GPATCH2L: variants seen among roughly 807,000 people sequenced by gnomAD.
The protein encoded by GPATCH2L is G-patch domain containing 2 like, also known as G patch domain-containing protein 2-like.
In GPATCH2L, 31 loss-of-function variants were observed where a neutral mutation model predicts 57.4. The ratio of observed to expected loss-of-function variants is 0.54; its 90% CI spans 0.41 to 0.73. GPATCH2L has a LOEUF of 0.73. Ranked by LOEUF, GPATCH2L falls within the 30% of genes least tolerant of loss-of-function variation. The probability of loss-of-function intolerance (pLI) is 0.00; values close to 1 mark genes in which losing one functional copy is unlikely to be tolerated. For synonymous variants in GPATCH2L, 199 were observed against 210.7 expected, an observed-to-expected ratio of 0.94 and a Z score of 0.48; for missense variants, 481 against 599.9, an observed-to-expected ratio of 0.80 and a Z score of 2.07.
At position 76,155,042 on chromosome 14, in the gene GPATCH2L, T is replaced by A. The variant is rs374580427; in HGVS notation, c.662+17T>A. The A allele has an allele frequency of 5.0e-6, 8 of 1,588,712 alleles. No homozygotes were observed. The highest frequency in any genetic ancestry group is 1.3e-5 in the African/African-American group (1 of 74,230). On this transcript the variant is annotated intron_variant, in intron 2 of 9. Transcript: ENST00000261530. The stretch of plus-strand genomic sequence containing the variant: ...GTCAGAATGGTGAGATCTCCCTTAC[T>A]AAGTCAAAGATTTTCCTGGTTAATT...
At chr14:76,163,171 G>A (rs1422159274) in intron 2 of GPATCH2L, among the ~76,000 whole-genome samples, 1 of 152,176 alleles carries the variant, frequency 6.6e-6, no homozygotes, top group African/African-American at 2.4e-5. Context: ...CTTACTTGCT[G>A]TGTGATCTTG....
At chr14:76,157,780 A>G (rs770729136) in intron 2 of GPATCH2L, among the ~76,000 whole-genome samples, 4 of 152,094 alleles carry the variant, frequency 2.6e-5, no homozygotes, top group Non-Finnish European at 4.4e-5. Flanking sequence ...CTAAACATGG[A>G]GTATAGACTT....
intron 9 of GPATCH2L, among the ~76,000 whole-genome samples, chr14:76,198,853 TA>T (rs1199209651): frequency 1.3e-5 from 2 of 152,194 alleles, no homozygotes; most frequent in Non-Finnish European, 2.9e-5. Flanking sequence ...GCCCATAGAA[TA>T]AACCCACTGG....
At chr14:76,223,876 A>T (rs553060901) in intron 1 of GPATCH2L, among the ~76,000 whole-genome samples, 1 of 152,306 alleles carries the variant, frequency 6.6e-6, no homozygotes, top group Admixed American at 6.5e-5. Flanking sequence ...AAACTACAAG[A>T]TGCCACTTTA....
intron 1 of GPATCH2L, among the ~76,000 whole-genome samples, chr14:76,228,739 G>C (rs2040547332): frequency 1.3e-5 from 2 of 152,332 alleles, no homozygotes; most frequent in South Asian, 4.1e-4. Flanking sequence ...GACTGTGAAA[G>C]GATGTGACAG....
At chr14:76,177,625 C>CA (rs1661849728) in intron 6 of GPATCH2L, among the ~76,000 whole-genome samples, 3 of 151,022 alleles carry the variant, frequency 2.0e-5, no homozygotes, top group Admixed American at 2.0e-4. Context: ...ATTGGTGTCA[C>CA]AGTGTAATCT....
chr14:76,230,716 A>C (rs902349129), intron 2 of GPATCH2L, among the ~76,000 whole-genome samples: 4 of 152,242 alleles, frequency 2.6e-5, no homozygotes, highest in Non-Finnish European at 5.9e-5. Context: ...CCAGTTTACC[A>C]GTGCCATTTG....
rs1022421561 is a variant in GPATCH2L, at chr14:76,204,437, A to C, written c.*2586A>C. ...TGTGCTCCTCATTTTAAGGTGCTGT[A>C]CGTGCATGTTTAAGGAATTATTAAT... On this transcript the variant is annotated 3_prime_UTR_variant, in exon 10 of 10. Transcript: ENST00000261530. The C allele has an allele frequency of 2.0e-5, 3 of 152,200 alleles. No individual in the cohort carries two copies. The highest frequency in any genetic ancestry group is 7.2e-5 in the African/African-American group (3 of 41,458). The allele number at this position is 152,200 out of a possible 1,614,324, so 9.4% of individuals were successfully genotyped here.
intron 1 of GPATCH2L, among the ~76,000 whole-genome samples, chr14:76,224,154 T>G (rs1003945344): frequency 6.6e-6 from 1 of 152,178 alleles, no homozygotes; most frequent in Non-Finnish European, 1.5e-5. Flanking sequence ...CATATTCCAC[T>G]TACATGAAAT....
Position 76,208,078 on chromosome 14 carries a change from AACT to A in GPATCH2L, c.*6230_*6232del, listed in dbSNP as rs2040399109. ...CTTTTCCATCTTGAAGACCAGTTAA[AACT>A]ACCTCTGGCCAAAAATGTTAGTGTT... On this transcript the variant is annotated 3_prime_UTR_variant, in exon 10 of 10. Transcript: ENST00000261530. The A allele has an allele frequency of 1.3e-5, 2 of 152,172 alleles. No individual in the cohort carries two copies. Among genetic ancestry groups the A allele is most frequent in the Non-Finnish European group, 2.9e-5 (2 of 68,038 alleles). 9.4% of individuals were successfully genotyped at this position (152,172 alleles called of 1,614,324 possible). A position where few individuals can be genotyped will look rare whatever the true frequency, so the allele number is the denominator to read the frequency against.
intron 8 of GPATCH2L, among the ~76,000 whole-genome samples, chr14:76,191,979 T>A (rs1236839475): frequency 6.6e-6 from 1 of 152,164 alleles, no homozygotes; most frequent in Admixed American, 6.6e-5. Flanking sequence ...TTCTACTTTT[T>A]ACTTCTATGA....
At chr14:76,218,872 A>G (rs1292102135), downstream of GPATCH2L, among the ~76,000 whole-genome samples, 1 of 152,006 alleles carries the variant, frequency 6.6e-6, no homozygotes, top group Non-Finnish European at 1.5e-5. Flanking sequence ...TAGTCAGCAA[A>G]TGGGGTGGGA....
At position 76,160,663 on chromosome 14, in the gene GPATCH2L, C is replaced by T. The variant is rs191672313; in HGVS notation, c.662+5638C>T. On this transcript the variant is annotated intron_variant, in intron 2 of 9. Transcript: ENST00000261530. ...TTTATTTTAGTTTTTCTTTTTTTCA[C>T]ATATGCTCAAGACTAAGGAAAGAAA... Among the ~76,000 whole-genome samples, 290 of 152,088 alleles carry T rather than the reference C, an allele frequency of 1.9e-3. 2 individuals carry two copies. Among genetic ancestry groups the T allele is most frequent in the African/African-American group, 6.6e-3 (275 of 41,466 alleles).
chr14:76,179,780 C>T (rs1327957368), intron 7 of GPATCH2L: 1 of 152,134 alleles, frequency 6.6e-6, no homozygotes, highest in Admixed American at 6.6e-5. Flanking sequence ...GAGGGATCTC[C>T]TTTGATCCTC....
chr14:76,224,812 T>G (rs2139868056), intron 1 of GPATCH2L, among the ~76,000 whole-genome samples: 1 of 152,286 alleles, frequency 6.6e-6, no homozygotes, highest in Middle Eastern at 3.4e-3. Context: ...TGGATTCACG[T>G]TTACTCTACA....
chr14:76,215,870 A>G (rs1348699954), downstream of GPATCH2L, among the ~76,000 whole-genome samples: 2 of 151,750 alleles, frequency 1.3e-5, no homozygotes, highest in African/African-American at 2.4e-5. Context: ...TACATATGTA[A>G]CCTGCACAAT....
chr14:76,231,743 T>C (rs1273308654), intron 2 of GPATCH2L, among the ~76,000 whole-genome samples: 1 of 152,012 alleles, frequency 6.6e-6, no homozygotes, highest in East Asian at 1.9e-4. Flanking sequence ...TAAAATCATA[T>C]AATATTACCA....
At chr14:76,227,685 C>T (rs182713237) in intron 1 of GPATCH2L, among the ~76,000 whole-genome samples, 76 of 152,146 alleles carry the variant, frequency 5.0e-4, no homozygotes, top group Non-Finnish European at 1.0e-3. Context: ...CAGATATAAT[C>T]CTATACATTT....
intron 8 of GPATCH2L, among the ~76,000 whole-genome samples, chr14:76,190,186 C>G (rs771411223): frequency 1.3e-5 from 2 of 151,894 alleles, no homozygotes; most frequent in African/African-American, 2.4e-5. Context: ...AGTAACACTG[C>G]AGTTTTAACA....
Sources: gnomAD v4.1 joint callset for allele counts (sites outside exome capture counted in the v4.1 genomes callset) on GRCh38, gnomAD v4.1.1 for gene constraint, MANE v1.5 for transcripts, NCBI Gene and HGNC (gene_info 2026-07-23, HGNC 2026-07-21) for gene names.